HECTD2: variants seen among roughly 807,000 people sequenced by gnomAD.
HECTD2 encodes HECT domain E3 ubiquitin protein ligase 2.
A neutral mutation model predicts 103.2 loss-of-function variants in HECTD2; 35 were observed. The ratio of observed to expected loss-of-function variants is 0.34; its 90% CI spans 0.26 to 0.45. The LOEUF (loss-of-function observed/expected upper bound fraction) is 0.45. Ranked by LOEUF, HECTD2 falls within the 20% of genes least tolerant of loss-of-function variation. The pLI is 1.00. For missense variants in HECTD2, 596 were observed against 937.4 expected, an observed-to-expected ratio of 0.64 and a Z score of 4.76; for synonymous variants, 281 against 329.9, an observed-to-expected ratio of 0.85 and a Z score of 1.61.
intron 1 of HECTD2, among the ~76,000 whole-genome samples, chr10:91,415,625 A>G (rs1564695525): frequency 6.6e-6 from 1 of 152,126 alleles, no homozygotes; most frequent in Non-Finnish European, 1.5e-5. Flanking sequence ...TATAACAGAG[A>G]TGTTTCCGAC....
chr10:91,414,707 T>C (rs914142879), intron 1 of HECTD2, among the ~76,000 whole-genome samples: 3 of 152,132 alleles, frequency 2.0e-5, no homozygotes, highest in Non-Finnish European at 4.4e-5. Flanking sequence ...AGGATTTGGA[T>C]AGGCAGAAGA....
chr10:91,460,406 A>C, intron 2 of HECTD2, 21 bp from the exon 3 acceptor site: 1 of 1,546,006 alleles, frequency 6.5e-7, no homozygotes, highest in Non-Finnish European at 8.7e-7. Flanking sequence ...ATTATTTTGA[A>C]TGTGTTTTTA....
intron 5 of HECTD2, among the ~76,000 whole-genome samples, chr10:91,477,371 T>C (rs1364502276): frequency 6.6e-6 from 1 of 152,204 alleles, no homozygotes; most frequent in Non-Finnish European, 1.5e-5. Flanking sequence ...GTCAGTGGTA[T>C]TGAGTGTCCT....
At position 91,505,496 on chromosome 10, in the gene HECTD2, T is replaced by G. The variant is rs1271655361; in HGVS notation, c.2210+4162T>G. ...TCCTAGTCTCTGATAAAACAGACTT[T>G]AAACCAACAAAGATCAAAAGAGACA... On this transcript the variant is annotated intron_variant, in intron 20 of 20. Transcript: ENST00000298068. 2.0e-5 allele frequency among the ~76,000 whole-genome samples: 3 copies of G among 151,700 alleles called. No homozygotes were observed. In the East Asian group the frequency reaches 5.8e-4, roughly 29 times the overall value.
At chr10:91,455,308 T>A (rs1188407762) in intron 2 of HECTD2, among the ~76,000 whole-genome samples, 1 of 152,242 alleles carries the variant, frequency 6.6e-6, no homozygotes, top group Admixed American at 6.5e-5. Context: ...GATTTGCATT[T>A]CTCTGATGGC....
intron 2 of HECTD2, among the ~76,000 whole-genome samples, chr10:91,432,140 T>TGTAA (rs1403282378): frequency 1.3e-5 from 2 of 151,938 alleles, no homozygotes; most frequent in Non-Finnish European, 2.9e-5. Flanking sequence ...ATCTTCCAAA[T>TGTAA]GTAAGCATGT....
At chr10:91,483,327 T>G (rs1846160246) in intron 8 of HECTD2, among the ~76,000 whole-genome samples, 1 of 152,024 alleles carries the variant, frequency 6.6e-6, no homozygotes, top group Admixed American at 6.6e-5. Context: ...CTGCCTTCAC[T>G]TTTTATATAG....
chr10:91,493,669 TA>T (rs1334462679), intron 14 of HECTD2, among the ~76,000 whole-genome samples, 161 bp downstream of exon 14: 1 of 152,074 alleles, frequency 6.6e-6, no homozygotes, highest in East Asian at 1.9e-4. Flanking sequence ...ATGTGTAATA[TA>T]TGTCAGTAGA....
intron 9 of HECTD2, 21 bp from the exon 10 acceptor site, chr10:91,485,159 T>C (rs756782847): frequency 6.7e-7 from 1 of 1,488,988 alleles, no homozygotes; most frequent in East Asian, 2.4e-5. Flanking sequence ...AAAGTCTTTA[T>C]GTTAGAATTT....
chr10:91,413,699 C>G (rs1843010128), intron 1 of HECTD2, among the ~76,000 whole-genome samples: 1 of 152,128 alleles, frequency 6.6e-6, no homozygotes, highest in East Asian at 1.9e-4. Context: ...GTTTGTGGAG[C>G]AGCGTTTGAA....
In HECTD2 at chr10:91,501,317, T is replaced by C; in HGVS notation, c.2193T>C (p.Asn731=). ...MADLNFKISK[N]ETSTNCLPVA... ...ATTTGAACTTTAAAATCTCAAAGAA[T>C]GAAACTTCTACTAACTGGTAAATTT... is the stretch of plus-strand genomic sequence containing the variant. Residue 731 remains asparagine, a synonymous_variant, in exon 20 of 21, where the codon AAT becomes AAC. Coordinates refer to ENST00000298068, the MANE Select transcript of HECTD2 (RefSeq NM_182765.6). 1 of 1,597,748 alleles carries C rather than the reference T, an allele frequency of 6.3e-7. No homozygotes were observed. Among genetic ancestry groups the C allele is most frequent in the Non-Finnish European group, 8.5e-7 (1 of 1,172,054 alleles).
At position 91,513,693 on chromosome 10, in the gene HECTD2, C is replaced by CAAT. The variant is rs1452889335; in HGVS notation, c.*1316_*1318dup. 6 of 152,426 alleles carry CAAT rather than the reference C, an allele frequency of 3.9e-5. No homozygotes were observed. The highest frequency in any genetic ancestry group is 1.5e-4 in the African/African-American group (6 of 41,376). 9.4% of individuals were successfully genotyped at this position (152,426 alleles called of 1,614,324 possible). On this transcript the variant is annotated 3_prime_UTR_variant, in exon 21 of 21. Coordinates refer to ENST00000298068, the MANE Select transcript of HECTD2 (RefSeq NM_182765.6). ...TCAGAAAACTCTGAAGTTATATTTG[C>CAAT]AATAATAATGAAACCAGCATTTAGT...
rs138289031 is a variant in HECTD2 at position 91,470,690 on chromosome 10, C to A, written c.601-7511C>A. Among the ~76,000 whole-genome samples the A allele has an allele frequency of 3.4e-3, 522 of 151,980 alleles. 3 individuals carry two copies. The highest frequency in any genetic ancestry group is 7.1e-3 in the South Asian group (34 of 4,802). ...GCAGAAGACAAGAAATAACCAAAAT[C>A]GGAGTTGAACTGAAAGAGTTCCATC... On this transcript the variant is annotated intron_variant, in intron 5 of 20. Transcript: ENST00000298068.
intron 20 of HECTD2, among the ~76,000 whole-genome samples, chr10:91,505,273 T>C (rs1036488468): frequency 6.6e-6 from 1 of 151,710 alleles, no homozygotes; most frequent in Non-Finnish European, 1.5e-5. Context: ...CACATAACAC[T>C]ATTAACTTTA....
At chr10:91,449,820 A>G (rs1249307072) in intron 2 of HECTD2, among the ~76,000 whole-genome samples, 1 of 143,422 alleles carries the variant, frequency 7.0e-6, no homozygotes, top group Non-Finnish European at 1.5e-5. Flanking sequence ...CAACTTACAA[A>G]GTATGTGAAG....
intron 11 of HECTD2, chr10:91,488,392 C>T (rs964773973): frequency 3.3e-5 from 5 of 152,174 alleles, no homozygotes; most frequent in Non-Finnish European, 5.9e-5. Context: ...CACTTCCTAT[C>T]CCTTGTGTTT....
chr10:91,507,341 G>C (rs928314744), intron 20 of HECTD2, among the ~76,000 whole-genome samples: 1 of 151,472 alleles, frequency 6.6e-6, no homozygotes, highest in Non-Finnish European at 1.5e-5. Context: ...AATTGTCCCT[G>C]TTTGCAGATG....
intron 1 of HECTD2, among the ~76,000 whole-genome samples, chr10:91,416,149 C>T (rs139638633): frequency 4.9e-4 from 75 of 152,078 alleles, no homozygotes; most frequent in African/African-American, 1.7e-3. Flanking sequence ...TGGAGAAAAG[C>T]GGTCATTATA....
chr10:91,485,241 A>G lies in HECTD2; in HGVS notation c.1032A>G (p.Thr344=). The change falls in exon 10 of 21, where the codon ACA becomes ACG. Residue 344 remains threonine (T), a synonymous_variant. Transcript: ENST00000298068. The part of the protein sequence containing the change: ...LIPYTDFYNS[T]LDHIDLMEEY... Reference sequence around the variant, plus strand: ...CTTATACTGATTTCTATAATTCTACATTGGATCACATTGATCTCATGGAAG... The same window carrying G: ...CTTATACTGATTTCTATAATTCTACGTTGGATCACATTGATCTCATGGAAG... 6.3e-7 allele frequency: 1 copy of G among 1,588,574 alleles called. No individual in the cohort carries two copies. Among genetic ancestry groups the G allele is most frequent in the Non-Finnish European group, 8.6e-7 (1 of 1,164,716 alleles).
Sources: gnomAD v4.1 joint callset for allele counts (sites outside exome capture counted in the v4.1 genomes callset) on GRCh38, gnomAD v4.1.1 for gene constraint, MANE v1.5 for transcripts, NCBI Gene and HGNC (gene_info 2026-07-23, HGNC 2026-07-21) for gene names.